C2CD3: variants seen among roughly 807,000 people sequenced by gnomAD.
C2CD3 encodes C2 domain containing 3 centriole elongation regulator.
Under a neutral mutation model 234.0 loss-of-function variants are expected in C2CD3, and 148 were observed. That is an observed-to-expected ratio of 0.63 (90% CI 0.55 to 0.72). C2CD3 has a LOEUF of 0.72. Among genes scored for constraint, C2CD3 ranks in the 30% least tolerant of loss-of-function variants. C2CD3 has a pLI of 0.00. For missense variants in C2CD3, 2,577 were observed against 2,811.5 expected, an observed-to-expected ratio of 0.92 and a Z score of 1.89; for synonymous variants, 1,000 against 1,035.4, an observed-to-expected ratio of 0.97 and a Z score of 0.66.
chr11:74,047,997 T>A (rs1257135386), intron 28 of C2CD3, among the ~76,000 whole-genome samples: 1 of 152,238 alleles, frequency 6.6e-6, no homozygotes, highest in Admixed American at 6.5e-5. Context: ...AAGTGACCCT[T>A]CTGATAGCAG....
chr11:74,034,528 C>CTT (rs1454507460), intron 30 of C2CD3: 2 of 1,611,422 alleles, frequency 1.2e-6, no homozygotes, highest in African/African-American at 1.3e-5. Context: ...CTTTCAGAGA[C>CTT]TATCTGCTCA....
At chr11:74,113,957 T>C (rs1956841909) in intron 10 of C2CD3, 65 bp from the exon 11 acceptor site, 1 of 977,176 alleles carries the variant, frequency 1.0e-6, no homozygotes, top group Non-Finnish European at 1.5e-6. Context: ...GTCTGATAAA[T>C]CCAACATATA....
chr11:74,040,910 ACACACACACACACACG>A (rs1953010313), intron 29 of C2CD3, among the ~76,000 whole-genome samples: 1 of 123,172 alleles, frequency 8.1e-6, no homozygotes, highest in African/African-American at 5.2e-5. Context: ...ACACACACGC[ACACACACACACACACG>A]CACACACACA....
At chr11:74,045,833 A>C (rs951903723) in intron 28 of C2CD3, among the ~76,000 whole-genome samples, 3 of 152,176 alleles carry the variant, frequency 2.0e-5, no homozygotes, top group African/African-American at 7.2e-5. Context: ...TTGGTCTCCC[A>C]AAGTGCTGGA....
chr11:74,047,351 G>T (rs1953431489), intron 28 of C2CD3, among the ~76,000 whole-genome samples: 1 of 152,226 alleles, frequency 6.6e-6, no homozygotes, highest in Admixed American at 6.5e-5. Context: ...TAAAGGGTGG[G>T]CATTAGAGAT....
intron 26 of C2CD3, among the ~76,000 whole-genome samples, chr11:74,052,043 T>G (rs972484832): frequency 6.6e-6 from 1 of 152,146 alleles, no homozygotes; most frequent in African/African-American, 2.4e-5. Context: ...AGCAGTAGGA[T>G]ATAAATAACT....
At position 74,042,221 on chromosome 11, in the gene C2CD3, GTCA is replaced by G; in HGVS notation, c.5496-6_5496-4del. 1.4e-6 allele frequency: 2 copies of G among 1,409,524 alleles called. No individual in the cohort carries two copies. Among genetic ancestry groups the G allele is most frequent in the Admixed American group, 2.4e-5 (1 of 42,064 alleles). 87.3% of individuals were successfully genotyped at this position (1,409,524 alleles called of 1,614,324 possible). Reference sequence around the variant, plus strand: ...CTTGGCTTCTTGTGGTATCACTTCTGTCAAAAAAAAAAAAAAAAAAAGTAGGAG... The same window carrying G: ...CTTGGCTTCTTGTGGTATCACTTCTGAAAAAAAAAAAAAAAAAAGTAGGAG... On this transcript the variant is annotated splice_polypyrimidine_tract_variant and splice_region_variant and intron_variant, in intron 28 of 32. Transcript: ENST00000334126.
At chr11:74,029,488 G>A (rs1284237389) in intron 31 of C2CD3, among the ~76,000 whole-genome samples, 4 of 152,246 alleles carry the variant, frequency 2.6e-5, no homozygotes, top group African/African-American at 4.8e-5. Flanking sequence ...TGATTTTTCT[G>A]TAGAGAGGTG....
At position 74,074,413 on chromosome 11, in the gene C2CD3, T is replaced by C; in HGVS notation, c.4791A>G (p.Pro1597=). ...ACTTCTGGTGGCAGGAGATGACTTC[T>C]GGTGGAGAGAGCTGGACCTCATCAT... ...RRNDEVQLSP[P]EVISCHQKSP... Residue 1597 remains proline (P), a synonymous_variant, in exon 24 of 33, where the codon CCA becomes CCG. Transcript: ENST00000334126. 1.9e-6 allele frequency: 3 copies of C among 1,614,202 alleles called. No homozygotes were observed. Among genetic ancestry groups the C allele is most frequent in the Non-Finnish European group, 2.5e-6 (3 of 1,180,032 alleles).
intron 3 of C2CD3, among the ~76,000 whole-genome samples, chr11:74,149,707 C>A (rs1362959498): frequency 6.6e-6 from 1 of 151,888 alleles, no homozygotes; most frequent in Non-Finnish European, 1.5e-5. Flanking sequence ...TCAAGGGATT[C>A]TCTTCGGCTC....
At chr11:74,078,038 T>C (rs1955153227) in intron 23 of C2CD3, 77 bp downstream of exon 23, 7 of 1,494,844 alleles carry the variant, frequency 4.7e-6, no homozygotes, top group Non-Finnish European at 6.3e-6. Context: ...AAGTAATGTC[T>C]GACAGAGTGT....
intron 11 of C2CD3, 42 bp from the exon 12 acceptor site, chr11:74,109,194 A>G (rs1460779645): frequency 9.8e-7 from 1 of 1,019,726 alleles, no homozygotes; most frequent in Non-Finnish European, 1.4e-6. Flanking sequence ...ACACCACCCA[A>G]CTGAAGTCAT....
At chr11:74,168,191 T>G (rs562824171) in intron 2 of C2CD3, 153 bp downstream of exon 2, 1 of 640,886 alleles carries the variant, frequency 1.6e-6, no homozygotes, top group East Asian at 2.7e-5. Context: ...CTCAATAAAT[T>G]TACAAAGAAA....
At chr11:74,053,509 G>A (rs1565232950) in intron 26 of C2CD3, among the ~76,000 whole-genome samples, 1 of 152,200 alleles carries the variant, frequency 6.6e-6, no homozygotes, top group Non-Finnish European at 1.5e-5. Flanking sequence ...ATGTTGCTGT[G>A]TTATGCCTCT....
chr11:74,048,057 G>T, intron 28 of C2CD3, 148 bp downstream of exon 28: 1 of 824,674 alleles, frequency 1.2e-6, no homozygotes, highest in Non-Finnish European at 1.8e-6. Context: ...ATACGATCTT[G>T]GGGTTTTTGG....
intron 3 of C2CD3, among the ~76,000 whole-genome samples, chr11:74,150,415 G>A (rs2135556320): frequency 7.1e-6 from 1 of 140,718 alleles, no homozygotes; most frequent in South Asian, 2.3e-4. Context: ...TTGAACCTGG[G>A]AAGCAGAGGT....
chr11:74,139,356 T>G (rs1957970118), intron 4 of C2CD3, among the ~76,000 whole-genome samples: 1 of 152,206 alleles, frequency 6.6e-6, no homozygotes, highest in South Asian at 2.1e-4. Flanking sequence ...ATTTAGTCAT[T>G]TATCTGTATG....
At chr11:74,073,697 G>C (rs2135459667) in intron 24 of C2CD3, among the ~76,000 whole-genome samples, 1 of 152,078 alleles carries the variant, frequency 6.6e-6, no homozygotes, top group South Asian at 2.1e-4. Flanking sequence ...ATAATGATGT[G>C]ATATGGAAAT....
intron 26 of C2CD3, among the ~76,000 whole-genome samples, chr11:74,052,481 C>T (rs1953743361): frequency 6.6e-6 from 1 of 152,184 alleles, no homozygotes; most frequent in Non-Finnish European, 1.5e-5. Flanking sequence ...GATTTGAACT[C>T]AGGTCTGCAT....
Sources: allele counts gnomAD v4.1 joint callset (sites outside exome capture counted in the v4.1 genomes callset), GRCh38; gene constraint gnomAD v4.1.1; transcripts MANE v1.5; gene names NCBI Gene and HGNC (gene_info 2026-07-23, HGNC 2026-07-21).